Variants in ABLIM1 observed in about 807,000 individuals in gnomAD.
ABLIM1 encodes actin-binding LIM protein 1.
In ABLIM1, 40 loss-of-function variants were observed where a neutral mutation model predicts 107.0. The observed-to-expected ratio is 0.37, with a 90% confidence interval of 0.29 to 0.49. ABLIM1 has a LOEUF of 0.49. Ranked by LOEUF, ABLIM1 falls within the 20% of genes least tolerant of loss-of-function variation. The probability of loss-of-function intolerance (pLI) is 0.97; values close to 1 mark genes in which losing one functional copy is unlikely to be tolerated. For synonymous variants in ABLIM1, 357 were observed against 357.3 expected (o/e 1.00, Z 0.01); for missense variants, 857 against 1,008.5 (o/e 0.85, Z 2.04).
chr10:114,580,205 T>TTA (rs1555186173), intron 2 of ABLIM1, among the ~76,000 whole-genome samples: 135 of 144,880 alleles, frequency 9.3e-4, no homozygotes, highest in African/African-American at 2.1e-3. Context: ...ATATTATATA[T>TTA]TATATATATA....
At chr10:114,586,236 C>T (rs2139422926) in intron 2 of ABLIM1, among the ~76,000 whole-genome samples, 1 of 146,230 alleles carries the variant, frequency 6.8e-6, no homozygotes, top group East Asian at 1.9e-4. Flanking sequence ...AAATTGACCA[C>T]CACTCAATAA....
intron 6 of ABLIM1, among the ~76,000 whole-genome samples, chr10:114,500,027 G>C (rs2060186767): frequency 6.6e-6 from 1 of 152,160 alleles, no homozygotes; most frequent in Non-Finnish European, 1.5e-5. Flanking sequence ...ATGTATCCTG[G>C]GCAAAGGTGA....
chr10:114,737,330 AAAAC>A (rs1193130535), intron 1 of ABLIM1, among the ~76,000 whole-genome samples: 1 of 152,216 alleles, frequency 6.6e-6, no homozygotes, highest in African/African-American at 2.4e-5. Flanking sequence ...AACAAAAGGA[AAAAC>A]AAACAAAGAA....
In ABLIM1 at chr10:114,547,910, T is replaced by G. The variant is rs991682459; in HGVS notation, c.674-134A>C. 4.0e-5 allele frequency: 50 copies of G among 1,237,648 alleles called. No individual in the cohort carries two copies. The Admixed American group carries it at 1.3e-3, about 33-fold the overall frequency. 76.7% of individuals were successfully genotyped at this position (1,237,648 alleles called of 1,614,324 possible). A position where few individuals can be genotyped will look rare whatever the true frequency, so the allele number is the denominator to read the frequency against. ...TACTCAAGCACCATCTCGGGTCAGT[T>G]TCTTTCCCTGCACAAAATCTTTCTT... On this transcript the variant is annotated intron_variant, in intron 4 of 22. Coordinates refer to ENST00000533213, the MANE Select transcript of ABLIM1 (RefSeq NM_002313.7).
chr10:114,471,097 C>T (rs1452909206), intron 10 of ABLIM1, among the ~76,000 whole-genome samples: 2 of 152,068 alleles, frequency 1.3e-5, no homozygotes, highest in African/African-American at 4.8e-5. Context: ...GTATGTTGTC[C>T]AGGCTGGTCT....
intron 1 of ABLIM1, among the ~76,000 whole-genome samples, chr10:114,719,381 C>G (rs1470584585): frequency 6.6e-6 from 1 of 152,184 alleles, no homozygotes; most frequent in East Asian, 1.9e-4. Flanking sequence ...ACTGAAGGAC[C>G]TTGTCCAGGG....
intron 1 of ABLIM1, among the ~76,000 whole-genome samples, chr10:114,721,731 A>T (rs1488902803): frequency 6.6e-6 from 1 of 151,820 alleles, no homozygotes; most frequent in Non-Finnish European, 1.5e-5. Flanking sequence ...CAGGTAATCC[A>T]CCTGCCTCAG....
chr10:114,777,005 GTCTTTTAAA>G, the ABLIM1 span, among the ~76,000 whole-genome samples: 1 of 152,086 alleles, frequency 6.6e-6, no homozygotes, highest in African/African-American at 2.4e-5. Flanking sequence ...GGTTGCACTT[GTCTTTTAAA>G]TCTTTTAAAT....
At position 114,608,716 on chromosome 10, in the gene ABLIM1, T is replaced by A. The variant is rs2076599591; in HGVS notation, c.245-6755A>T. ...ACAAACAAACAAAATAAAGCTTATT[T>A]TAAAAAGAAAAACAAAGGCTGGGCA... On this transcript the variant is annotated intron_variant, in intron 1 of 22. Coordinates refer to ENST00000533213, the MANE Select transcript of ABLIM1 (RefSeq NM_002313.7). 2.0e-5 allele frequency among the ~76,000 whole-genome samples: 3 copies of A among 150,986 alleles called. No homozygotes were observed. The South Asian group carries it at 6.3e-4, about 32-fold the overall frequency.
the ABLIM1 span, among the ~76,000 whole-genome samples, chr10:114,798,424 A>T: frequency 2.7e-4 from 39 of 143,090 alleles, no homozygotes; most frequent in Non-Finnish European, 4.8e-4. Flanking sequence ...ACTCTGTTTT[A>T]AAAAAAAAAA....
At chr10:114,787,470 G>A in the ABLIM1 span, among the ~76,000 whole-genome samples, 7 of 145,978 alleles carry the variant, frequency 4.8e-5, no homozygotes, top group East Asian at 2.1e-4. Context: ...CTGCCCAGCC[G>A]CCCCTACTGG....
intron 2 of ABLIM1, among the ~76,000 whole-genome samples, chr10:114,600,229 C>T (rs1004613483): frequency 2.0e-5 from 3 of 152,072 alleles, no homozygotes; most frequent in Admixed American, 2.0e-4. Flanking sequence ...CTGGGTGTGA[C>T]CTTGATATTT....
the ABLIM1 span, among the ~76,000 whole-genome samples, chr10:114,786,547 T>C: frequency 6.6e-6 from 1 of 152,226 alleles, no homozygotes; most frequent in Admixed American, 6.5e-5. Context: ...AGTATTAAAC[T>C]TGTACAGCAC....
At chr10:114,593,181 C>A (rs1017609677) in intron 2 of ABLIM1, among the ~76,000 whole-genome samples, 4 of 152,148 alleles carry the variant, frequency 2.6e-5, no homozygotes, top group African/African-American at 7.2e-5. Flanking sequence ...TTGTACTAAT[C>A]GTTTTCTTAG....
In ABLIM1 at chr10:114,631,751, C is replaced by G. The variant is rs59739659; in HGVS notation, c.244+26206G>C. ...AAAGATTCTGAACGAAGTCTGGGTT[C>G]GATGGAAACCCAGACTTCACAATAC... On this transcript the variant is annotated intron_variant, in intron 1 of 22. Transcript: ENST00000533213. 1.0e-3 allele frequency: 744 copies of G among 744,356 alleles called. 3 individuals are homozygous for G. In the African/African-American group the frequency reaches 0.013, roughly 13 times the overall value. 46.1% of individuals were successfully genotyped at this position (744,356 alleles called of 1,614,324 possible). A position where few individuals can be genotyped will look rare whatever the true frequency, so the allele number is the denominator to read the frequency against.
chr10:114,488,598 T>C (rs2058505703), intron 7 of ABLIM1, among the ~76,000 whole-genome samples: 1 of 152,242 alleles, frequency 6.6e-6, no homozygotes, highest in African/African-American at 2.4e-5. Context: ...TTCAATCTTT[T>C]AAGTAATTTT....
At chr10:114,697,252 C>A (rs954509957) in intron 1 of ABLIM1, among the ~76,000 whole-genome samples, 1 of 152,246 alleles carries the variant, frequency 6.6e-6, no homozygotes, top group African/African-American at 2.4e-5. Flanking sequence ...TAAGGCCACT[C>A]TGGTTTTTTG....
intron 8 of ABLIM1, among the ~76,000 whole-genome samples, chr10:114,474,452 C>G (rs1341631589): frequency 6.9e-6 from 1 of 145,794 alleles, no homozygotes; most frequent in African/African-American, 2.6e-5. Context: ...GCGATCTTGG[C>G]TCACTGCAAG....
At chr10:114,700,637 T>G (rs1343048330) in intron 1 of ABLIM1, among the ~76,000 whole-genome samples, 1 of 152,030 alleles carries the variant, frequency 6.6e-6, no homozygotes, top group Non-Finnish European at 1.5e-5. Context: ...AGATCTACAC[T>G]TATAAATGAT....
Sources: allele counts gnomAD v4.1 joint callset (sites outside exome capture counted in the v4.1 genomes callset), GRCh38; gene constraint gnomAD v4.1.1; transcripts MANE v1.5; gene names NCBI Gene and HGNC (gene_info 2026-07-23, HGNC 2026-07-21).